NPAS3: variants seen among roughly 807,000 people sequenced by gnomAD.
NPAS3 encodes the protein neuronal PAS domain protein 3, also known as neuronal PAS domain-containing protein 3.
In NPAS3, 14 loss-of-function variants were observed where a neutral mutation model predicts 73.1. The observed-to-expected ratio is 0.19, with a 90% CI of 0.13 to 0.30. NPAS3 has a LOEUF of 0.30. Ranked by LOEUF, NPAS3 falls within the 10% of genes least tolerant of loss-of-function variation. NPAS3 has a pLI of 1.00. For missense variants in NPAS3, 1,096 were observed against 1,250.0 expected (o/e 0.88, Z 1.86); for synonymous variants, 620 against 541.5 (o/e 1.14, Z -2.01).
chr14:33,633,921 T>C (rs60192835), intron 5 of NPAS3, among the ~76,000 whole-genome samples: 21,237 of 152,134 alleles, frequency 0.14, 1,714 homozygotes, highest in African/African-American at 0.23. Flanking sequence ...CGAGGCTGCA[T>C]TGAGCTGTGT....
intron 5 of NPAS3, among the ~76,000 whole-genome samples, chr14:33,585,803 G>A (rs2056839519): frequency 6.6e-6 from 1 of 152,192 alleles, no homozygotes; most frequent in African/African-American, 2.4e-5. Context: ...GTCTCAAAAT[G>A]TGGGCTTGAA....
chr14:33,664,112 C>T (rs1011570696), intron 5 of NPAS3, among the ~76,000 whole-genome samples: 9 of 152,224 alleles, frequency 5.9e-5, no homozygotes, highest in South Asian at 4.1e-4. Context: ...CACCTGACTT[C>T]GAACTATACT....
intron 3 of NPAS3, among the ~76,000 whole-genome samples, chr14:33,259,857 C>CTT (rs33939091): frequency 4.8e-5 from 7 of 145,684 alleles, no homozygotes; most frequent in African/African-American, 1.8e-4. Flanking sequence ...GCAGCAGCAT[C>CTT]TTTTTTTTTT....
chr14:33,263,311 G>C (rs2049042758), intron 3 of NPAS3, among the ~76,000 whole-genome samples: 2 of 152,142 alleles, frequency 1.3e-5, no homozygotes, highest in Non-Finnish European at 2.9e-5. Context: ...GTGTAAGGAA[G>C]GGATCCAGTT....
chr14:33,716,690 T>C (rs1185238401), intron 6 of NPAS3, among the ~76,000 whole-genome samples: 1 of 152,146 alleles, frequency 6.6e-6, no homozygotes, highest in Non-Finnish European at 1.5e-5. Context: ...GTTTGCCTGT[T>C]CTAGATATGT....
chr14:33,223,786 C>T (rs965571851), intron 3 of NPAS3, among the ~76,000 whole-genome samples: 7 of 152,090 alleles, frequency 4.6e-5, no homozygotes, highest in Admixed American at 3.3e-4. Context: ...CTTAATTCCC[C>T]TGTACATGGA....
In NPAS3 at chr14:33,349,675, TGTTA is replaced by T. The variant is rs147871536; in HGVS notation, c.386-17505_386-17502del. On this transcript the variant is annotated intron_variant, in intron 3 of 11. Coordinates refer to ENST00000356141, the Ensembl canonical transcript of NPAS3. ...TTTTTTGTCATTTGATAGTCCACTT[TGTTA>T]GTTAGGAAACCAAATCATTTTGTAC... Among the ~76,000 whole-genome samples the T allele has an allele frequency of 2.0e-3, 298 of 152,314 alleles. 1 individual carries two copies. The highest frequency in any genetic ancestry group is 6.7e-3 in the African/African-American group (277 of 41,582).
chr14:33,491,733 A>G (rs1286437170), intron 4 of NPAS3, among the ~76,000 whole-genome samples: 1 of 152,184 alleles, frequency 6.6e-6, no homozygotes, highest in Non-Finnish European at 1.5e-5. Context: ...ACTTTATTCT[A>G]CTTAAGCCTG....
chr14:33,340,393 G>C (rs1025925277), intron 3 of NPAS3, among the ~76,000 whole-genome samples: 1 of 152,218 alleles, frequency 6.6e-6, no homozygotes, highest in Non-Finnish European at 1.5e-5. Context: ...TACCTGGGAG[G>C]CTGAAGCAGG....
chr14:33,072,663 A>G (rs1230706074), intron 2 of NPAS3, among the ~76,000 whole-genome samples: 1 of 152,218 alleles, frequency 6.6e-6, no homozygotes, highest in Non-Finnish European at 1.5e-5. Flanking sequence ...ATAATTTGAC[A>G]TAAATCTTTG....
At chr14:33,285,538 T>C (rs1396145802) in intron 3 of NPAS3, among the ~76,000 whole-genome samples, 1 of 152,170 alleles carries the variant, frequency 6.6e-6, no homozygotes, top group African/African-American at 2.4e-5. Flanking sequence ...ACTCAATTCC[T>C]CTCAAACACG....
intron 1 of NPAS3, among the ~76,000 whole-genome samples, chr14:32,989,502 G>C (rs1388269246): frequency 6.6e-6 from 1 of 152,108 alleles, no homozygotes; most frequent in Non-Finnish European, 1.5e-5. Context: ...AAATTAGCCG[G>C]GCGAGGTGGC....
At chr14:33,598,019 A>C (rs1000465224) in intron 5 of NPAS3, among the ~76,000 whole-genome samples, 1 of 152,216 alleles carries the variant, frequency 6.6e-6, no homozygotes, top group South Asian at 2.1e-4. Context: ...ACAATACCCA[A>C]TTTAAGACAA....
intron 6 of NPAS3, chr14:33,680,542 C>A (rs1045492173): frequency 1.3e-5 from 9 of 700,706 alleles, no homozygotes; most frequent in Non-Finnish European, 2.1e-5. Flanking sequence ...GCATATACTT[C>A]TGGTAACTAG....
chr14:33,154,941 T>A (rs1163895896), intron 2 of NPAS3, among the ~76,000 whole-genome samples: 1 of 152,236 alleles, frequency 6.6e-6, no homozygotes, highest in Non-Finnish European at 1.5e-5. Context: ...TGGTAAAGAT[T>A]TCCATGTTTC....
At chr14:33,736,115 G>A (rs1273639898) in intron 7 of NPAS3, among the ~76,000 whole-genome samples, 2 of 152,174 alleles carry the variant, frequency 1.3e-5, no homozygotes, top group Admixed American at 6.6e-5. Context: ...GAGGGCAAAC[G>A]GAAATGGCAT....
chr14:33,271,092 CAA>C (rs1366295767), intron 3 of NPAS3, among the ~76,000 whole-genome samples: 2 of 152,118 alleles, frequency 1.3e-5, no homozygotes, highest in African/African-American at 4.8e-5. Flanking sequence ...TGCTTAGGTT[CAA>C]CAAAGAAGTA....
chr14:33,621,670 A>C (rs2058079070), intron 5 of NPAS3, among the ~76,000 whole-genome samples: 1 of 152,188 alleles, frequency 6.6e-6, no homozygotes, highest in African/African-American at 2.4e-5. Context: ...CGTCAAAGTG[A>C]GCAATGCACA....
At chr14:33,676,250 C>T (rs1192749508) in exon 6 of NPAS3, 1 of 1,613,718 alleles carries the variant, frequency 6.2e-7, no homozygotes, top group Non-Finnish European at 8.5e-7. Context: ...CTATGTCCAC[C>T]CCGGAGATCA....
Sources: gnomAD v4.1 joint callset for allele counts (sites outside exome capture counted in the v4.1 genomes callset) on GRCh38, gnomAD v4.1.1 for gene constraint, MANE v1.5 for transcripts, NCBI Gene and HGNC (gene_info 2026-07-23, HGNC 2026-07-21) for gene names.